TRMT11: variants seen among roughly 807,000 people sequenced by gnomAD.
TRMT11 encodes the protein tRNA (guanine(10)-N(2))-methyltransferase TRMT11.
Under a neutral mutation model 62.8 loss-of-function variants are expected in TRMT11, and 53 were observed. That is an observed-to-expected ratio of 0.84 (90% CI 0.68 to 1.06). TRMT11 has a LOEUF of 1.06. Among genes scored for constraint, TRMT11 ranks in the 50% least tolerant of loss-of-function variants. The pLI, the probability that TRMT11 is intolerant of heterozygous loss-of-function variation, is 0.00. For synonymous variants in TRMT11, 188 were observed against 190.3 expected, an observed-to-expected ratio of 0.99 and a Z score of 0.10; for missense variants, 556 against 553.4, an observed-to-expected ratio of 1.00 and a Z score of -0.05.
At chr6:126,260,874 C>T in the TRMT11 span, among the ~76,000 whole-genome samples, 24 of 152,136 alleles carry the variant, frequency 1.6e-4, no homozygotes, top group South Asian at 3.1e-3. Context: ...CTTTGACTTT[C>T]GACAGTTTGA....
chr6:126,252,124 A>G, the TRMT11 span, among the ~76,000 whole-genome samples: 1,797 of 152,348 alleles, frequency 0.012, 37 homozygotes, highest in African/African-American at 0.04. Context: ...AGAATTCAGT[A>G]AGGTACGAAA....
intron 17 of TRMT11, among the ~76,000 whole-genome samples, chr6:126,110,617 G>A (rs1035249455): frequency 1.3e-5 from 2 of 152,020 alleles, no homozygotes; most frequent in African/African-American, 4.8e-5. Context: ...TTGTATAAAC[G>A]TACAATGGAG....
At chr6:126,040,523 C>T (rs940440557), downstream of TRMT11, among the ~76,000 whole-genome samples, 3 of 152,026 alleles carry the variant, frequency 2.0e-5, no homozygotes, top group African/African-American at 7.2e-5. Flanking sequence ...TATTTTTTGG[C>T]GTTAGGATCT....
intron 5 of TRMT11, 43 bp from the exon 6 acceptor site, chr6:125,998,507 G>T (rs780105286): frequency 1.9e-6 from 3 of 1,578,470 alleles, no homozygotes; most frequent in Admixed American, 3.8e-5. Context: ...ATTTTTCATT[G>T]TAAATTATTA....
chr6:126,045,202 A>T (rs1223342238), intron 16 of TRMT11, among the ~76,000 whole-genome samples: 1 of 151,794 alleles, frequency 6.6e-6, no homozygotes, highest in African/African-American at 2.4e-5. Context: ...AAAAAAAAAA[A>T]TTGCAGATTG....
chr6:126,062,683 T>A (rs143636992), intron 17 of TRMT11, among the ~76,000 whole-genome samples: 53 of 145,828 alleles, frequency 3.6e-4, no homozygotes, highest in African/African-American at 1.4e-3. Context: ...TTAATGACTG[T>A]CAAAAGATAT....
intron 21 of TRMT11, among the ~76,000 whole-genome samples, chr6:126,119,480 TAAAAA>T (rs56778747): frequency 8.0e-6 from 1 of 124,354 alleles, no homozygotes; most frequent in African/African-American, 2.8e-5. Context: ...TCTTCTTTGA[TAAAAA>T]AAAAAAAAAA....
At chr6:126,026,987 T>C (rs1245399142) in intron 12 of TRMT11, among the ~76,000 whole-genome samples, 1 of 151,426 alleles carries the variant, frequency 6.6e-6, no homozygotes, top group Non-Finnish European at 1.5e-5. Flanking sequence ...TTTGTATTTT[T>C]AGTAGAGACG....
chr6:126,100,543 G>A (rs765868069), intron 17 of TRMT11, among the ~76,000 whole-genome samples: 1 of 152,170 alleles, frequency 6.6e-6, no homozygotes, highest in Non-Finnish European at 1.5e-5. Context: ...GTGCTGTATG[G>A]ATTTGCTACA....
At chr6:126,271,363 C>CAA in the TRMT11 span, among the ~76,000 whole-genome samples, 6,944 of 36,096 alleles carry the variant, frequency 0.19, 938 homozygotes, top group East Asian at 0.47. Context: ...GACTCCATCT[C>CAA]AAAAAAAAAA....
chr6:126,040,680 G>A (rs1277749563), downstream of TRMT11, among the ~76,000 whole-genome samples: 1 of 152,002 alleles, frequency 6.6e-6, no homozygotes, highest in African/African-American at 2.4e-5. Flanking sequence ...TGGATTTACA[G>A]TATAATCTGT....
chr6:126,033,741 A>G (rs967244962), intron 12 of TRMT11, among the ~76,000 whole-genome samples: 1 of 152,156 alleles, frequency 6.6e-6, no homozygotes, highest in Non-Finnish European at 1.5e-5. Context: ...TGGCAGATGC[A>G]TGGTCTGCTG....
At chr6:126,055,610 G>A (rs768363004) in intron 17 of TRMT11, among the ~76,000 whole-genome samples, 4 of 152,176 alleles carry the variant, frequency 2.6e-5, no homozygotes, top group Non-Finnish European at 5.9e-5. Context: ...TCTGGATGAC[G>A]TACTGGGTGA....
chr6:126,092,316 A>G (rs948947259), intron 17 of TRMT11, among the ~76,000 whole-genome samples: 2 of 152,196 alleles, frequency 1.3e-5, no homozygotes, highest in Non-Finnish European at 2.9e-5. Flanking sequence ...ACAGTTCCAC[A>G]TGGCTGGGGA....
At chr6:126,191,676 T>C (rs1477984137) in intron 1 of TRMT11, among the ~76,000 whole-genome samples, 1 of 152,046 alleles carries the variant, frequency 6.6e-6, no homozygotes, top group Non-Finnish European at 1.5e-5. Flanking sequence ...TATCTAATTT[T>C]CCCAGAACCA....
the TRMT11 span, among the ~76,000 whole-genome samples, chr6:126,234,961 G>T: frequency 1.3e-5 from 2 of 152,140 alleles, no homozygotes; most frequent in South Asian, 2.1e-4. Context: ...TGGCCTATTT[G>T]TAATGCATGA....
At chr6:126,175,565 A>C (rs903799234), upstream of TRMT11, among the ~76,000 whole-genome samples, 1 of 152,206 alleles carries the variant, frequency 6.6e-6, no homozygotes, top group Non-Finnish European at 1.5e-5. Context: ...GCATTATTCA[A>C]ACACTAAAGG....
chr6:126,224,485 T>C, the TRMT11 span, among the ~76,000 whole-genome samples: 2 of 152,322 alleles, frequency 1.3e-5, no homozygotes, highest in Non-Finnish European at 2.9e-5. Context: ...ATGGCTTTTT[T>C]CTTTGTCCCC....
At chr6:126,247,339 G>GCACGCACA in the TRMT11 span, among the ~76,000 whole-genome samples, 2 of 151,302 alleles carry the variant, frequency 1.3e-5, no homozygotes, top group African/African-American at 4.9e-5. Context: ...ACACACACAT[G>GCACGCACA]CACGCACACA....
Sources: gnomAD v4.1 joint callset for allele counts (sites outside exome capture counted in the v4.1 genomes callset) on GRCh38, gnomAD v4.1.1 for gene constraint, MANE v1.5 for transcripts, NCBI Gene and HGNC (gene_info 2026-07-23, HGNC 2026-07-21) for gene names.